MARK2: variants seen among roughly 807,000 people sequenced by gnomAD.
The protein encoded by MARK2 is microtubule affinity regulating kinase 2.
A neutral mutation model predicts 89.8 loss-of-function variants in MARK2; 16 were observed. The ratio of observed to expected loss-of-function variants is 0.18; its 90% CI spans 0.12 to 0.27. MARK2 has a LOEUF of 0.27. Among genes scored for constraint, MARK2 ranks in the 10% least tolerant of loss-of-function variants. The pLI, the probability that MARK2 is intolerant of heterozygous loss-of-function variation, is 1.00. For missense variants in MARK2, 621 were observed against 1,049.9 expected (o/e 0.59, Z 5.65); for synonymous variants, 382 against 399.5 (o/e 0.96, Z 0.52).
intron 1 of MARK2, among the ~76,000 whole-genome samples, chr11:63,856,327 TTTTTTTTTTTA>T (rs2016843143): frequency 2.7e-5 from 4 of 148,648 alleles, no homozygotes; most frequent in South Asian, 4.2e-4. Context: ...TTTTGTTTTT[TTTTTTTTTTTA>T]AATATATGGC....
At position 63,902,802 on chromosome 11, in the gene MARK2, C is replaced by T; in HGVS notation, c.1416+20C>T. Reference sequence around the variant, plus strand: ...TCCACGGTGAGCCGCACCCCCCGCTCTCTCCTTCCTTCCTGCGGTGGGGCC... The same window carrying T: ...TCCACGGTGAGCCGCACCCCCCGCTTTCTCCTTCCTTCCTGCGGTGGGGCC... On this transcript the variant is annotated intron_variant, in intron 13 of 18. Coordinates refer to ENST00000402010, the MANE Select transcript of MARK2 (RefSeq NM_001039469.3). This position sits in a 1 kb window ranked among gnomAD's most constrained non-coding sequence, Gnocchi z 4.2. The T allele has an allele frequency of 6.3e-7, 1 of 1,593,488 alleles. No individual in the cohort carries two copies. The highest frequency in any genetic ancestry group is 8.6e-7 in the Non-Finnish European group (1 of 1,164,052).
At position 63,908,943 on chromosome 11, in the gene MARK2, C is replaced by A; in HGVS notation, c.2073C>A (p.Arg691=). ...AAGAATTTCGGGAGGCCAAGCCCCGCTCCCTCCGCTTCACGTGGAGTATGA... is the reference window on the plus strand; with the variant it reads ...AAGAATTTCGGGAGGCCAAGCCCCGATCCCTCCGCTTCACGTGGAGTATGA... ...EKEEFREAKP[R]SLRFTWSMKT... The change falls in exon 19 of 19, where the codon CGC becomes CGA. Residue 691 remains arginine (R), a synonymous_variant. Transcript: ENST00000402010. 1.3e-6 allele frequency: 2 copies of A among 1,530,054 alleles called. No homozygotes were observed. The highest frequency in any genetic ancestry group is 2.5e-5 in the South Asian group (2 of 79,436). The allele number at this position is 1,530,054 out of a possible 1,614,324, so 94.8% of individuals were successfully genotyped here.
At chr11:63,898,542 CATGTTGGAGAGCAGT>C in intron 4 of MARK2, 51 bp from the exon 5 acceptor site, 1 of 1,239,502 alleles carries the variant, frequency 8.1e-7, no homozygotes, top group South Asian at 1.2e-5. Context: ...TGCTCCTGGA[CATGTTGGAGAGCAGT>C]ATGTGGCCCC....
chr11:63,900,040 T>C lies in MARK2; in HGVS notation c.698T>C (p.Val233Ala). Residue 233 changes from valine to alanine, a missense_variant, in exon 8 of 19, where the codon GTG becomes GCG. Physicochemically the swap from Val to Ala is moderately conservative, Grantham distance 64 (BLOSUM62 0). Around this residue, in one of 5 missense-constraint regions of MARK2, gnomAD observed 82 missense variants for 287.7 expected, o/e 0.29. Coordinates refer to ENST00000402010, the MANE Select transcript of MARK2 (RefSeq NM_001039469.3). This position sits in a 1 kb window ranked among gnomAD's most constrained non-coding sequence, Gnocchi z 4.7. ...GKKYDGPEVD[V>A]WSLGVILYTL... ...AAATATGATGGACCCGAGGTGGATG[T>C]GTGGAGCCTAGGAGTTATCCTCTAT... 1.9e-6 allele frequency: 3 copies of C among 1,614,196 alleles called. No individual in the cohort carries two copies. The highest frequency in any genetic ancestry group is 2.5e-6 in the Non-Finnish European group (3 of 1,180,030).
rs750155967 is a variant in MARK2, at chr11:63,910,652, A to ATTTTTTTTTTTTTTTTTT, written c.*1429_*1430insTTTTTTTTTTTTTTTTTT. On this transcript the variant is annotated 3_prime_UTR_variant, in exon 19 of 19. Transcript: ENST00000402010. ...GTTTTATTTTTTATTATTTTATTTT[A>ATTTTTTTTTTTTTTTTTT]TTTTTTTTTTTTTTGATTTATGATG... is the stretch of plus-strand genomic sequence containing the variant. The ATTTTTTTTTTTTTTTTTT allele has an allele frequency of 7.3e-6, 1 of 137,434 alleles. No individual in the cohort carries two copies. Among genetic ancestry groups the ATTTTTTTTTTTTTTTTTT allele is most frequent in the Non-Finnish European group, 1.6e-5 (1 of 64,266 alleles). The allele number at this position is 137,434 out of a possible 1,614,324, so 8.5% of individuals were successfully genotyped here.
Position 63,903,045 on chromosome 11 carries a change from C to A in MARK2, c.1417-16C>A. 6.2e-7 allele frequency: 1 copy of A among 1,610,234 alleles called. No individual in the cohort carries two copies. Among genetic ancestry groups the A allele is most frequent in the Non-Finnish European group, 8.5e-7 (1 of 1,176,670 alleles). On this transcript the variant is annotated splice_polypyrimidine_tract_variant and intron_variant, in intron 13 of 18. Coordinates refer to ENST00000402010, the MANE Select transcript of MARK2 (RefSeq NM_001039469.3). This position sits in a 1 kb window ranked among gnomAD's most constrained non-coding sequence, Gnocchi z 5.1. The stretch of plus-strand genomic sequence containing the variant: ...TTTGGCTTTCTGATAGAACGCTTGC[C>A]CTTTATTCCCCACAGAACAGCGTCC...
intron 1 of MARK2, among the ~76,000 whole-genome samples, chr11:63,853,534 ATAATT>A (rs1249546819): frequency 1.3e-5 from 2 of 152,260 alleles, no homozygotes; most frequent in African/African-American, 4.8e-5. Flanking sequence ...TCATCAAAGA[ATAATT>A]TATTTTATGT....
chr11:63,888,525 A>T (rs997699436), intron 1 of MARK2: 5 of 1,019,824 alleles, frequency 4.9e-6, no homozygotes, highest in Non-Finnish European at 5.9e-6. Flanking sequence ...GTTGATCTAA[A>T]CCCGCCTCTT....
intron 1 of MARK2, among the ~76,000 whole-genome samples, chr11:63,863,407 A>G (rs1937926479): frequency 6.6e-6 from 1 of 152,002 alleles, no homozygotes; most frequent in South Asian, 2.1e-4. Context: ...TTAAGATGCC[A>G]GCATGGGGTG....
chr11:63,884,754 C>T (rs1012255476), intron 1 of MARK2, among the ~76,000 whole-genome samples: 3 of 152,220 alleles, frequency 2.0e-5, no homozygotes, highest in Admixed American at 2.0e-4. Context: ...ACTGAATGCT[C>T]CTCTGGTTTA....
At chr11:63,859,081 G>T (rs1033017759) in intron 1 of MARK2, among the ~76,000 whole-genome samples, 1 of 147,204 alleles carries the variant, frequency 6.8e-6, no homozygotes, top group African/African-American at 2.5e-5. Flanking sequence ...GTGTTTTTTT[G>T]TTTTTTTTTT....
At chr11:63,901,148 G>T in intron 11 of MARK2, 79 bp downstream of exon 11, 1 of 922,974 alleles carries the variant, frequency 1.1e-6, no homozygotes, top group Non-Finnish European at 1.8e-6. Context: ...CCTGTTGAGG[G>T]CAGAAGCTCA....
At chr11:63,894,885 A>G (rs61886136) in intron 1 of MARK2, among the ~76,000 whole-genome samples, 2,748 of 152,178 alleles carry the variant, frequency 0.018, 23 homozygotes, top group Non-Finnish European at 0.024. Flanking sequence ...TGTGTTGCCA[A>G]TGGAGGTTCA....
At chr11:63,908,791 G>C in intron 18 of MARK2, 86 bp from the exon 19 acceptor site, 1 of 1,352,042 alleles carries the variant, frequency 7.4e-7, no homozygotes. Flanking sequence ...TCTCCTCTCT[G>C]GGCTCAGGGG....
chr11:63,868,675 T>C (rs1299543880), intron 1 of MARK2: 1 of 433,650 alleles, frequency 2.3e-6, no homozygotes, highest in Admixed American at 2.4e-5. Flanking sequence ...TGCTGAGTTC[T>C]GTCCTTGCCC....
At chr11:63,867,525 G>C (rs905817649) in intron 1 of MARK2, among the ~76,000 whole-genome samples, 2 of 152,190 alleles carry the variant, frequency 1.3e-5, no homozygotes, top group Admixed American at 6.5e-5. Flanking sequence ...TCTTCTGTTG[G>C]TGTTGTAAGG....
intron 1 of MARK2, among the ~76,000 whole-genome samples, chr11:63,840,994 CAG>C (rs1293296031): frequency 6.6e-6 from 1 of 152,062 alleles, no homozygotes; most frequent in African/African-American, 2.4e-5. Context: ...CTGCTCTGTG[CAG>C]AGTCCCCTGC....
Position 63,903,995 on chromosome 11 carries a change from G to T in MARK2, c.1524G>T (p.Met508Ile). The T allele has an allele frequency of 6.2e-7, 1 of 1,605,786 alleles. No homozygotes were observed. The highest frequency in any genetic ancestry group is 1.1e-5 in the South Asian group (1 of 90,666). Residue 508 changes from methionine (M) to isoleucine (I), a missense_variant, in exon 15 of 19, where the codon ATG becomes ATT. This residue lies in a region of MARK2 where 397 missense variants were observed against 567.8 expected (regional missense o/e 0.70). Transcript: ENST00000402010. The surrounding 1 kb of genome is among the most constrained non-coding windows in gnomAD (Gnocchi z 5.1). The part of the protein sequence containing the change: ...SIQNGKDSLT[M>I]PGSRASTASA... ...TGCTTTTGTTTCCTAGCCTAACCAT[G>T]CCAGGGTCCCGGGCCTCCACGGCTT...
intron 1 of MARK2, among the ~76,000 whole-genome samples, chr11:63,855,440 CTT>C (rs1359338238): frequency 1.1e-5 from 1 of 87,892 alleles, no homozygotes; most frequent in Non-Finnish European, 2.4e-5. Context: ...GAGAAGATCT[CTT>C]GAGCCCAAGG....
Sources: allele counts gnomAD v4.1 joint callset (sites outside exome capture counted in the v4.1 genomes callset), GRCh38; gene constraint gnomAD v4.1.1; regional missense constraint gnomAD v4.1.1; non-coding constraint Gnocchi (gnomAD v3.1); transcripts MANE v1.5; gene names NCBI Gene and HGNC (gene_info 2026-07-23, HGNC 2026-07-21).